SCAI: variants seen among roughly 807,000 people sequenced by gnomAD.
SCAI encodes suppressor of cancer cell invasion, also known as protein SCAI.
In SCAI, 24 loss-of-function variants were observed where a neutral mutation model predicts 92.2. The ratio of observed to expected loss-of-function variants is 0.26; its 90% CI spans 0.19 to 0.37. SCAI has a LOEUF of 0.37. Ranked by LOEUF, SCAI falls within the 10% of genes least tolerant of loss-of-function variation. SCAI has a pLI of 1.00. For synonymous variants in SCAI, 261 were observed against 258.6 expected (o/e 1.01, Z -0.09); for missense variants, 450 against 736.2 (o/e 0.61, Z 4.50).
intron 2 of SCAI, among the ~76,000 whole-genome samples, chr9:125,092,125 G>T (rs543957708): frequency 1.1e-5 from 1 of 92,456 alleles, no homozygotes; most frequent in African/African-American, 4.4e-5. Context: ...GCAAGACTCC[G>T]TCTCTTAAAA....
intron 2 of SCAI, among the ~76,000 whole-genome samples, chr9:125,092,163 A>G (rs1326678458): frequency 8.5e-6 from 1 of 118,200 alleles, no homozygotes; most frequent in Non-Finnish European, 1.7e-5. Context: ...AAAAAAAAAA[A>G]AAAAATCAGG....
At chr9:124,967,665 A>C (rs1317599441) in intron 17 of SCAI, among the ~76,000 whole-genome samples, 2 of 151,650 alleles carry the variant, frequency 1.3e-5, no homozygotes, top group Non-Finnish European at 2.9e-5. Context: ...AAAAAAATAC[A>C]CACACACACA....
chr9:125,088,237 A>C (rs1369040297), intron 2 of SCAI, among the ~76,000 whole-genome samples: 1 of 152,142 alleles, frequency 6.6e-6, no homozygotes, highest in Non-Finnish European at 1.5e-5. Context: ...CTGGAACTAC[A>C]GATGCACACC....
chr9:124,960,290 G>A (rs1435537369), intron 17 of SCAI, among the ~76,000 whole-genome samples: 1 of 152,228 alleles, frequency 6.6e-6, no homozygotes, highest in East Asian at 1.9e-4. Context: ...ATGCAGTGGC[G>A]TGATCATAAT....
At chr9:125,075,887 G>A (rs1834081167) in intron 2 of SCAI, among the ~76,000 whole-genome samples, 1 of 151,670 alleles carries the variant, frequency 6.6e-6, no homozygotes, top group Admixed American at 6.6e-5. Context: ...TAGTAGAGAT[G>A]AGGTTTCACC....
intron 9 of SCAI, among the ~76,000 whole-genome samples, chr9:125,009,416 C>T (rs1470904371): frequency 6.6e-6 from 1 of 152,070 alleles, no homozygotes; most frequent in Non-Finnish European, 1.5e-5. Context: ...ATTATAGGCA[C>T]ATGCCATCAT....
chr9:125,042,638 C>CGTGTGTGTGT (rs1564390399), intron 3 of SCAI, among the ~76,000 whole-genome samples: 1 of 73,552 alleles, frequency 1.4e-5, no homozygotes, highest in Non-Finnish European at 2.8e-5. Flanking sequence ...TGTGTGTACA[C>CGTGTGTGTGT]ACACACACAC....
At chr9:125,114,402 T>TA (rs886750472) in intron 2 of SCAI, among the ~76,000 whole-genome samples, 17 of 151,344 alleles carry the variant, frequency 1.1e-4, no homozygotes, top group African/African-American at 4.1e-4. Flanking sequence ...GTTTTTTCCT[T>TA]AAAAAAAAAT....
At chr9:125,044,710 G>A (rs534928552) in intron 3 of SCAI, among the ~76,000 whole-genome samples, 9 of 152,322 alleles carry the variant, frequency 5.9e-5, no homozygotes, top group South Asian at 2.1e-4. Context: ...TGCTCGCCAC[G>A]TTGTAGGCAA....
In SCAI at chr9:124,961,655, A is replaced by G. The variant is rs192509617; in HGVS notation, c.1675-8702T>C. Among the ~76,000 whole-genome samples the G allele has an allele frequency of 9.4e-4, 143 of 151,756 alleles. 1 individual carries two copies. Among genetic ancestry groups the G allele is most frequent in the Non-Finnish European group, 1.0e-3 (68 of 67,856 alleles). On this transcript the variant is annotated intron_variant, in intron 17 of 17. Coordinates refer to ENST00000336505, the MANE Select transcript of SCAI (RefSeq NM_001144877.3). ...ACAGAGCAAGACTCCATCTCAAAAA[A>G]AAAAAAAAAAGATCTACTGATGAAT...
chr9:125,068,271 C>T (rs1275638785), intron 2 of SCAI, among the ~76,000 whole-genome samples: 1 of 152,106 alleles, frequency 6.6e-6, no homozygotes, highest in Non-Finnish European at 1.5e-5. Context: ...GAGGCCAAGG[C>T]AGGAGGATCG....
intron 3 of SCAI, among the ~76,000 whole-genome samples, chr9:125,034,687 G>C (rs899110860): frequency 2.0e-5 from 3 of 152,204 alleles, no homozygotes; most frequent in African/African-American, 7.2e-5. Flanking sequence ...GATCAAGTCT[G>C]CAGTGAGCTG....
chr9:124,971,184 T>G, intron 17 of SCAI, 186 bp downstream of exon 17: 1 of 394,458 alleles, frequency 2.5e-6, no homozygotes, highest in Non-Finnish European at 4.5e-6. Flanking sequence ...TCTTTATACT[T>G]TACGTATTCA....
chr9:125,039,564 T>G (rs1833277679), intron 3 of SCAI, among the ~76,000 whole-genome samples: 1 of 152,092 alleles, frequency 6.6e-6, no homozygotes, highest in African/African-American at 2.4e-5. Context: ...ACAAAAACCA[T>G]GTAGTCGCTA....
intron 3 of SCAI, among the ~76,000 whole-genome samples, chr9:125,041,230 G>C (rs1213145836): frequency 6.6e-6 from 1 of 152,144 alleles, no homozygotes; most frequent in Non-Finnish European, 1.5e-5. Context: ...GTGGATATTA[G>C]TTTCCCACAT....
chr9:125,133,743 C>CA (rs142040487), intron 2 of SCAI, among the ~76,000 whole-genome samples: 6,374 of 145,886 alleles, frequency 0.044, 189 homozygotes, highest in Non-Finnish European at 0.065. Context: ...GTTCAAAAAA[C>CA]AAAAAAAAAA....
At chr9:125,072,275 G>A (rs935857035) in intron 2 of SCAI, among the ~76,000 whole-genome samples, 4 of 152,236 alleles carry the variant, frequency 2.6e-5, no homozygotes, top group African/African-American at 9.6e-5. Flanking sequence ...GCCCACCTTG[G>A]CCTCCCAATG....
At chr9:125,000,077 C>G (rs1832324987) in intron 12 of SCAI, 87 bp from the exon 13 acceptor site, 1 of 569,474 alleles carries the variant, frequency 1.8e-6, no homozygotes, top group Non-Finnish European at 3.1e-6. Flanking sequence ...GTGTGAATCT[C>G]TCATTGATTC....
intron 13 of SCAI, among the ~76,000 whole-genome samples, chr9:124,996,192 T>A (rs1219368078): frequency 8.0e-6 from 1 of 124,920 alleles, no homozygotes; most frequent in African/African-American, 3.0e-5. Context: ...ACCGTTACCC[T>A]TCGTGTGTGT....
Sources: gnomAD v4.1 joint callset for allele counts (sites outside exome capture counted in the v4.1 genomes callset) on GRCh38, gnomAD v4.1.1 for gene constraint, MANE v1.5 for transcripts, NCBI Gene and HGNC (gene_info 2026-07-23, HGNC 2026-07-21) for gene names.